Variants in NBEA observed in about 807,000 individuals in gnomAD.
NBEA encodes the protein neurobeachin.
In NBEA, 44 loss-of-function variants were observed where a neutral mutation model predicts 343.4. The observed-to-expected ratio is 0.13, with a 90% CI of 0.10 to 0.16. NBEA has a LOEUF of 0.16. Among genes scored for constraint, NBEA ranks in the 10% least tolerant of loss-of-function variants. The probability of loss-of-function intolerance (pLI) is 1.00; values close to 1 mark genes in which losing one functional copy is unlikely to be tolerated. For missense variants in NBEA, 2,555 were observed against 3,631.3 expected (o/e 0.70, Z 7.62); for synonymous variants, 1,175 against 1,238.7 (o/e 0.95, Z 1.08).
At chr13:35,609,268 G>A (rs937391831) in intron 48 of NBEA, among the ~76,000 whole-genome samples, 19 of 152,232 alleles carry the variant, frequency 1.2e-4, no homozygotes, top group Admixed American at 2.6e-4. Flanking sequence ...CAGACTGGAT[G>A]AGCAGGAGGC....
At chr13:35,290,084 T>C (rs944606589) in intron 34 of NBEA, among the ~76,000 whole-genome samples, 4 of 151,776 alleles carry the variant, frequency 2.6e-5, no homozygotes, top group Admixed American at 2.0e-4. Flanking sequence ...CTTGTTTAAA[T>C]GTAAGAAATG....
Position 34,954,479 on chromosome 13 carries a change from C to T in NBEA, c.294+11365C>T, listed in dbSNP as rs73490315. Among the ~76,000 whole-genome samples the T allele has an allele frequency of 6.4e-3, 979 of 152,292 alleles. 11 individuals carry two copies. Among genetic ancestry groups the T allele is most frequent in the African/African-American group, 0.022 (934 of 41,566 alleles). On this transcript the variant is annotated intron_variant, in intron 1 of 58. Transcript: ENST00000379939. Reference sequence around the variant, plus strand: ...TGCTTGTTTCAGTCATATTCAGCTTCGGCACAAATCTTATCTTTGCAGGCT... The same window carrying T: ...TGCTTGTTTCAGTCATATTCAGCTTTGGCACAAATCTTATCTTTGCAGGCT...
intron 31 of NBEA, among the ~76,000 whole-genome samples, chr13:35,199,855 C>T (rs1287424593): frequency 6.6e-6 from 1 of 152,044 alleles, no homozygotes; most frequent in African/African-American, 2.4e-5. Flanking sequence ...CATAAATGTT[C>T]TGTACATATA....
At chr13:35,606,785 C>G (rs1020310514) in intron 48 of NBEA, among the ~76,000 whole-genome samples, 2 of 152,276 alleles carry the variant, frequency 1.3e-5, no homozygotes, top group African/African-American at 4.8e-5. Flanking sequence ...TTCATGAGGA[C>G]TAATAAAGCA....
chr13:35,439,155 G>A (rs967605009), intron 39 of NBEA, among the ~76,000 whole-genome samples: 2 of 152,162 alleles, frequency 1.3e-5, no homozygotes, highest in African/African-American at 2.4e-5. Flanking sequence ...TAGAAACCAG[G>A]AATGCTGCCT....
At chr13:35,424,509 A>C (rs2044518451) in intron 38 of NBEA, among the ~76,000 whole-genome samples, 1 of 152,112 alleles carries the variant, frequency 6.6e-6, no homozygotes, top group South Asian at 2.1e-4. Flanking sequence ...GCACTTGATC[A>C]TGGGGGATAA....
At chr13:35,464,954 C>T (rs1029708845) in intron 40 of NBEA, among the ~76,000 whole-genome samples, 1 of 152,020 alleles carries the variant, frequency 6.6e-6, no homozygotes, top group Admixed American at 6.6e-5. Flanking sequence ...TATGTCTCTA[C>T]ACATTTAATT....
chr13:35,194,973 A>G (rs1035167199), intron 30 of NBEA, among the ~76,000 whole-genome samples: 1 of 152,100 alleles, frequency 6.6e-6, no homozygotes, highest in African/African-American at 2.4e-5. Flanking sequence ...TCCTTGAGGA[A>G]CATTATTATA....
chr13:35,597,236 G>A (rs2081847773), intron 47 of NBEA, among the ~76,000 whole-genome samples: 1 of 152,102 alleles, frequency 6.6e-6, no homozygotes, highest in Admixed American at 6.5e-5. Flanking sequence ...ACTATACCGT[G>A]GGGTTTTAGT....
chr13:35,371,275 G>A (rs770455854), intron 38 of NBEA, among the ~76,000 whole-genome samples: 14 of 151,912 alleles, frequency 9.2e-5, no homozygotes, highest in Admixed American at 2.0e-4. Context: ...TTTGTGATGT[G>A]TGTTGTGTTA....
At chr13:35,623,473 T>C (rs1021706947) in intron 48 of NBEA, among the ~76,000 whole-genome samples, 8 of 152,126 alleles carry the variant, frequency 5.3e-5, no homozygotes, top group African/African-American at 1.7e-4. Flanking sequence ...AGTGGCAAGA[T>C]AAAAAATCGA....
chr13:35,611,899 C>A (rs999999740), intron 48 of NBEA, among the ~76,000 whole-genome samples: 9 of 152,136 alleles, frequency 5.9e-5, no homozygotes, highest in African/African-American at 2.2e-4. Flanking sequence ...TGTGAACATA[C>A]ATTTTTATTT....
intron 10 of NBEA, among the ~76,000 whole-genome samples, chr13:35,085,902 A>G (rs1173715675): frequency 6.6e-6 from 1 of 152,186 alleles, no homozygotes; most frequent in Non-Finnish European, 1.5e-5. Context: ...ATACAAAATC[A>G]ATGTGCAGAA....
intron 49 of NBEA, among the ~76,000 whole-genome samples, chr13:35,628,780 T>C (rs2083333511): frequency 2.6e-5 from 4 of 151,902 alleles, no homozygotes; most frequent in Admixed American, 2.0e-4. Flanking sequence ...TAGCAGGGTG[T>C]GGTGGCGCAG....
intron 36 of NBEA, among the ~76,000 whole-genome samples, chr13:35,314,384 C>G (rs2152835783): frequency 6.6e-6 from 1 of 152,168 alleles, no homozygotes; most frequent in Non-Finnish European, 1.5e-5. Context: ...AGAAGATAGG[C>G]ATTTGCTTTA....
chr13:35,038,469 A>G (rs914925978), intron 1 of NBEA, among the ~76,000 whole-genome samples: 1 of 152,058 alleles, frequency 6.6e-6, no homozygotes, highest in Non-Finnish European at 1.5e-5. Flanking sequence ...GGTAATGTGC[A>G]TAGTCTCACC....
chr13:35,389,256 A>G (rs73169748), intron 38 of NBEA, among the ~76,000 whole-genome samples: 1,706 of 152,270 alleles, frequency 0.011, 4 homozygotes, highest in Middle Eastern at 0.027. Context: ...TGTTTATTCA[A>G]GTAAATTCAG....
At chr13:35,357,569 G>A (rs2040561953) in intron 38 of NBEA, among the ~76,000 whole-genome samples, 1 of 152,030 alleles carries the variant, frequency 6.6e-6, no homozygotes, top group Non-Finnish European at 1.5e-5. Flanking sequence ...CTGTTCCTGT[G>A]TTAGTTTGCT....
In NBEA at chr13:35,504,214, G is replaced by A. The variant is rs189165547; in HGVS notation, c.6585+31678G>A. 4.3e-4 allele frequency among the ~76,000 whole-genome samples: 65 copies of A among 152,232 alleles called. 1 individual carries two copies. The highest frequency in any genetic ancestry group is 3.7e-3 in the Admixed American group (56 of 15,282). ...CTTTGTAGAATGTTGCCAGCTAATT[G>A]AAGTTACAAACAACAAAACAACCAA... On this transcript the variant is annotated intron_variant, in intron 41 of 58. Coordinates refer to ENST00000379939, the MANE Select transcript of NBEA (RefSeq NM_001385012.1).
Sources: allele counts gnomAD v4.1 joint callset (sites outside exome capture counted in the v4.1 genomes callset), GRCh38; gene constraint gnomAD v4.1.1; transcripts MANE v1.5; gene names NCBI Gene and HGNC (gene_info 2026-07-23, HGNC 2026-07-21).